The following FSTL4 variants were observed in gnomAD, a reference collection of about 807,000 sequenced individuals.
FSTL4 encodes the protein follistatin like 4, also known as follistatin-related protein 4.
Under a neutral mutation model 78.2 loss-of-function variants are expected in FSTL4, and 28 were observed. That is an observed-to-expected ratio of 0.36 (90% confidence interval 0.27 to 0.49). The LOEUF is 0.49. Among genes scored for constraint, FSTL4 ranks in the 20% least tolerant of loss-of-function variants. The pLI, the probability that FSTL4 is intolerant of heterozygous loss-of-function variation, is 0.98. For missense variants in FSTL4, 922 were observed against 1,084.9 expected, an observed-to-expected ratio of 0.85 and a Z score of 2.11; for synonymous variants, 422 against 440.5, an observed-to-expected ratio of 0.96 and a Z score of 0.53.
intron 3 of FSTL4, among the ~76,000 whole-genome samples, chr5:133,431,476 G>A (rs2126996263): frequency 6.6e-6 from 1 of 152,276 alleles, no homozygotes; most frequent in East Asian, 1.9e-4. Flanking sequence ...TACCCTGCAG[G>A]AGAGACCGGG....
chr5:133,199,220 C>T lies in FSTL4; in HGVS notation c.2404G>A (p.Gly802Arg), dbSNP rs1325362525. The T allele has an allele frequency of 1.9e-6, 3 of 1,613,448 alleles. No individual in the cohort carries two copies. In the Admixed American group the frequency reaches 5.0e-5, roughly 27 times the overall value. Reference protein sequence around the residue: ...HRIMRDSGLFGQYLLTPARES... With the variant: ...HRIMRDSGLFRQYLLTPARES... ...CGGGCTGGTGTGAGGAGGTACTGTC[C>T]AAACAGCCCACTGTCCCTCATGATT... The change falls in exon 16 of 16, where the codon GGA becomes AGA. Residue 802 changes from glycine to arginine, a missense_variant. Physicochemically the swap from Gly to Arg is moderately radical, Grantham distance 125. Transcript: ENST00000265342. The surrounding 1 kb of genome is among the most constrained non-coding windows in gnomAD (Gnocchi z 4.4).
chr5:133,214,263 T>C lies in FSTL4; in HGVS notation c.1608+2966A>G, dbSNP rs145394638. 6.6e-5 allele frequency among the ~76,000 whole-genome samples: 10 copies of C among 152,324 alleles called. No homozygotes were observed. In the East Asian group the frequency reaches 1.9e-3, roughly 29 times the overall value. On this transcript the variant is annotated intron_variant, in intron 13 of 15. Coordinates refer to ENST00000265342, the MANE Select transcript of FSTL4 (RefSeq NM_015082.2). The stretch of plus-strand genomic sequence containing the variant: ...CACATGGAACATTTACCAAAATTGG[T>C]CATAAACTCAGTCATAAAACAAGCT...
chr5:133,573,151 G>C (rs1449232610), intron 2 of FSTL4, among the ~76,000 whole-genome samples: 1 of 152,034 alleles, frequency 6.6e-6, no homozygotes, highest in East Asian at 1.9e-4. Context: ...GGCTGAGGCA[G>C]AAGAATGGCG....
intron 14 of FSTL4, among the ~76,000 whole-genome samples, chr5:133,204,697 T>A (rs1336581072): frequency 6.6e-6 from 1 of 152,040 alleles, no homozygotes; most frequent in Non-Finnish European, 1.5e-5. Flanking sequence ...CTGGGTGTAA[T>A]GGCATGTACC....
chr5:133,533,401 T>C (rs953770413), intron 3 of FSTL4, among the ~76,000 whole-genome samples: 5 of 152,124 alleles, frequency 3.3e-5, no homozygotes, highest in Non-Finnish European at 7.4e-5. Context: ...TGTAGCAACA[T>C]GCCCAGCTAT....
chr5:133,545,887 G>A (rs1052945920), intron 3 of FSTL4, among the ~76,000 whole-genome samples: 2 of 152,208 alleles, frequency 1.3e-5, no homozygotes, highest in Non-Finnish European at 2.9e-5. Flanking sequence ...TATGTGGACA[G>A]TAAAGGCCAC....
chr5:133,279,425 A>G (rs1192410152), intron 6 of FSTL4, among the ~76,000 whole-genome samples: 1 of 152,224 alleles, frequency 6.6e-6, no homozygotes, highest in African/African-American at 2.4e-5. Flanking sequence ...TCTGTGGAAA[A>G]ACGGTCTTCC....
At chr5:133,567,542 C>G (rs1760054738) in intron 2 of FSTL4, among the ~76,000 whole-genome samples, 1 of 152,166 alleles carries the variant, frequency 6.6e-6, no homozygotes, top group Admixed American at 6.5e-5. Flanking sequence ...GGTTGATGAC[C>G]CACCCTCTGC....
chr5:133,644,091 T>C, the FSTL4 span, among the ~76,000 whole-genome samples: 2 of 152,164 alleles, frequency 1.3e-5, no homozygotes, highest in South Asian at 2.1e-4. Flanking sequence ...GTATTTTACT[T>C]GGTAAAATGT....
At chr5:133,578,149 C>T (rs1455245543) in intron 2 of FSTL4, among the ~76,000 whole-genome samples, 1 of 152,130 alleles carries the variant, frequency 6.6e-6, no homozygotes, top group Non-Finnish European at 1.5e-5. Context: ...TTTAAAAATA[C>T]CAAGGAAATG....
intron 11 of FSTL4, among the ~76,000 whole-genome samples, chr5:133,222,162 C>G (rs1220391098): frequency 6.6e-6 from 1 of 152,040 alleles, no homozygotes; most frequent in Non-Finnish European, 1.5e-5. Flanking sequence ...TGTGCTGAGA[C>G]AGGCTCTGGG....
At chr5:133,826,318 C>CT in the FSTL4 span, among the ~76,000 whole-genome samples, 1 of 152,236 alleles carries the variant, frequency 6.6e-6, no homozygotes, top group Non-Finnish European at 1.5e-5. Context: ...TTGACTTGTG[C>CT]TGAGCCACCC....
At chr5:133,430,085 C>CAA (rs2126995140) in intron 3 of FSTL4, among the ~76,000 whole-genome samples, 1 of 152,294 alleles carries the variant, frequency 6.6e-6, no homozygotes, top group South Asian at 2.1e-4. Context: ...ATGTGAGGTG[C>CAA]AATTTTTCCT....
intron 6 of FSTL4, among the ~76,000 whole-genome samples, chr5:133,300,213 G>A (rs1753502108): frequency 6.6e-6 from 1 of 152,146 alleles, no homozygotes; most frequent in African/African-American, 2.4e-5. Context: ...TCTGCACTAG[G>A]GGACATGAGG....
At chr5:133,676,030 G>A in the FSTL4 span, among the ~76,000 whole-genome samples, 1 of 152,172 alleles carries the variant, frequency 6.6e-6, no homozygotes, top group Non-Finnish European at 1.5e-5. Context: ...CCATGACCAG[G>A]TGCCAGGGGG....
chr5:133,581,016 T>C (rs10491292), intron 2 of FSTL4, among the ~76,000 whole-genome samples: 7,918 of 152,256 alleles, frequency 0.052, 467 homozygotes, highest in African/African-American at 0.15. Flanking sequence ...GCTGTCTGAA[T>C]AAATCATTGG....
At chr5:133,208,304 T>C (rs1459218000) in intron 14 of FSTL4, 1 of 152,208 alleles carries the variant, frequency 6.6e-6, no homozygotes, top group African/African-American at 2.4e-5. Flanking sequence ...CCTTGGAGCG[T>C]GTAGATGGGA....
At chr5:133,380,409 A>G (rs2126952410) in intron 4 of FSTL4, among the ~76,000 whole-genome samples, 1 of 152,248 alleles carries the variant, frequency 6.6e-6, no homozygotes, top group East Asian at 1.9e-4. Context: ...AGTATGAACA[A>G]GTATATGCCA....
chr5:133,557,387 C>A (rs1246552072), intron 3 of FSTL4, among the ~76,000 whole-genome samples: 2 of 152,184 alleles, frequency 1.3e-5, no homozygotes, highest in Non-Finnish European at 2.9e-5. Flanking sequence ...ATTAAGTAGA[C>A]GTTAATATGC....
Sources: allele counts gnomAD v4.1 joint callset (sites outside exome capture counted in the v4.1 genomes callset), GRCh38; gene constraint gnomAD v4.1.1; non-coding constraint Gnocchi (gnomAD v3.1); transcripts MANE v1.5; gene names NCBI Gene and HGNC (gene_info 2026-07-23, HGNC 2026-07-21).